ANKAR: variants seen among roughly 807,000 people sequenced by gnomAD.
The protein encoded by ANKAR is ankyrin and armadillo repeat containing, also known as ankyrin and armadillo repeat-containing protein.
A neutral mutation model predicts 146.2 loss-of-function variants in ANKAR; 136 were observed. That is an observed-to-expected ratio of 0.93 (90% CI 0.81 to 1.07). The LOEUF (loss-of-function observed/expected upper bound fraction) is 1.07, where lower values mean the gene tolerates loss of function less well. ANKAR is among the 50% of genes least tolerant of loss of function. ANKAR has a pLI of 0.00. For missense variants in ANKAR, 1,567 were observed against 1,679.9 expected, an observed-to-expected ratio of 0.93 and a Z score of 1.18; for synonymous variants, 500 against 575.8, an observed-to-expected ratio of 0.87 and a Z score of 1.88.
chr2:189,755,414 C>G, intron 18 of ANKAR: 1 of 1,610,788 alleles, frequency 6.2e-7, no homozygotes, highest in East Asian at 2.2e-5. Flanking sequence ...CACTCCCAGG[C>G]TTAAAGCAAG....
At chr2:189,752,636 T>C (rs1256593588) in intron 18 of ANKAR, 17 of 1,612,962 alleles carry the variant, frequency 1.1e-5, no homozygotes, top group Non-Finnish European at 1.4e-5. Context: ...ATAAAGATCA[T>C]GAATGATACC....
At chr2:189,697,941 T>C (rs1279184933) in intron 7 of ANKAR, among the ~76,000 whole-genome samples, 1 of 152,176 alleles carries the variant, frequency 6.6e-6, no homozygotes, top group Non-Finnish European at 1.5e-5. Flanking sequence ...CCAAAAGTTA[T>C]TCTCAACACT....
chr2:189,706,882 A>G (rs2039019286), intron 8 of ANKAR, 56 bp from the exon 9 acceptor site: 2 of 1,424,790 alleles, frequency 1.4e-6, no homozygotes, highest in South Asian at 2.8e-5. Context: ...ATAGTTTTAC[A>G]AAAAGTAAAT....
rs1244511111 is a variant in ANKAR at position 189,704,486 on chromosome 2, A to G, written c.1709-537A>G. Among the ~76,000 whole-genome samples, 12 of 142,102 alleles carry G rather than the reference A, an allele frequency of 8.4e-5. No individual in the cohort carries two copies. The East Asian group carries it at 2.3e-3, about 27-fold the overall frequency. The allele number at this position is 142,102 out of a possible 152,430, so 93.2% of individuals were successfully genotyped here. On this transcript the variant is annotated intron_variant, in intron 7 of 22. Transcript: ENST00000684021. ...CCCACATAATAAATATCTATATACA[A>G]TGGAAAAAATAAAAGAAAAATGCCC... is the stretch of plus-strand genomic sequence containing the variant.
At chr2:189,696,463 TGGTATTAACTAGAGCAAAGTTGA>T in intron 7 of ANKAR, 94 bp downstream of exon 7, 3 of 1,232,102 alleles carry the variant, frequency 2.4e-6, no homozygotes, top group Non-Finnish European at 3.3e-6. Context: ...GGTTAAAATT[TGGTATTAACTAGAGCAAAGTTGA>T]GGTTTTTGTT....
rs139521390 is a variant in ANKAR at position 189,714,972 on chromosome 2, G to A, written c.2224+3819G>A. 8.5e-3 allele frequency among the ~76,000 whole-genome samples: 1,111 copies of A among 130,028 alleles called. 9 individuals carry two copies. The highest frequency in any genetic ancestry group is 0.014 in the Non-Finnish European group (838 of 58,116). 85.3% of individuals were successfully genotyped at this position (130,028 alleles called of 152,430 possible). A position where few individuals can be genotyped will look rare whatever the true frequency, so the allele number is the denominator to read the frequency against. On this transcript the variant is annotated intron_variant, in intron 10 of 22. Transcript: ENST00000684021. ...CAAAAAAAAAAAAAAAAAAAAGAGA[G>A]AGAGAGAGAAACCAGGAAAGATCTA...
rs148582104 is a variant in ANKAR at position 189,737,751 on chromosome 2, A to G, written c.3492A>G (p.Leu1164=). Reference sequence around the variant, plus strand: ...TCAATAATCGCTTTCAACAATACTTAATATTGGAAAGTGGAATAATGACCA... The same window carrying G: ...TCAATAATCGCTTTCAACAATACTTGATATTGGAAAGTGGAATAATGACCA... ...FAFNNRFQQY[L]ILESGIMTIS... is the part of the protein sequence containing the mutation. The change falls in exon 18 of 23, where the codon TTA becomes TTG. Residue 1164 remains leucine (L), a synonymous_variant. Coordinates refer to ENST00000684021, the MANE Select transcript of ANKAR (RefSeq NM_001378068.1). The G allele has an allele frequency of 1.7e-5, 27 of 1,600,042 alleles. No individual in the cohort carries two copies. The African/African-American group carries it at 3.5e-4, about 21-fold the overall frequency.
intron 15 of ANKAR, among the ~76,000 whole-genome samples, chr2:189,730,146 T>A (rs2042274416): frequency 6.6e-6 from 1 of 152,192 alleles, no homozygotes; most frequent in South Asian, 2.1e-4. Flanking sequence ...AGAAGTAAAC[T>A]TTTTATGGAA....
intron 9 of ANKAR, among the ~76,000 whole-genome samples, chr2:189,709,933 C>A (rs1228093138): frequency 6.6e-6 from 1 of 152,166 alleles, no homozygotes; most frequent in Non-Finnish European, 1.5e-5. Flanking sequence ...CTGCTGCTTC[C>A]TACAGCCATT....
chr2:189,750,958 A>G (rs774003334), downstream of ANKAR, among the ~76,000 whole-genome samples: 15 of 152,254 alleles, frequency 9.9e-5, no homozygotes, highest in Admixed American at 2.0e-4. Flanking sequence ...AAAATATCTT[A>G]TAATTCTCTA....
intron 12 of ANKAR, among the ~76,000 whole-genome samples, chr2:189,724,841 T>G (rs1217697451): frequency 6.6e-6 from 1 of 152,166 alleles, no homozygotes; most frequent in Non-Finnish European, 1.5e-5. Flanking sequence ...GGAAATATAT[T>G]GATATTCTAC....
intron 17 of ANKAR, among the ~76,000 whole-genome samples, chr2:189,735,815 T>C (rs1263236537): frequency 6.6e-6 from 1 of 152,228 alleles, no homozygotes; most frequent in Non-Finnish European, 1.5e-5. Flanking sequence ...ATTAGTTGCA[T>C]TAATTTAGTT....
intron 10 of ANKAR, 122 bp downstream of exon 10, chr2:189,711,275 T>A (rs2039649172): frequency 1.5e-6 from 1 of 669,742 alleles, no homozygotes; most frequent in African/African-American, 1.9e-5. Context: ...TTTCAGTTTC[T>A]TTTGCTAAGA....
intron 18 of ANKAR, chr2:189,752,839 T>C (rs1245665561): frequency 1.2e-6 from 2 of 1,613,516 alleles, no homozygotes; most frequent in Admixed American, 3.3e-5. Context: ...ACGTATATCC[T>C]GTGGCTTACC....
intron 12 of ANKAR, among the ~76,000 whole-genome samples, chr2:189,722,258 G>T (rs771036422): frequency 3.3e-5 from 5 of 150,356 alleles, no homozygotes; most frequent in Non-Finnish European, 7.4e-5. Context: ...AGAATTGCCT[G>T]AACCCGAGAG....
chr2:189,744,530 G>A (rs1444937073), intron 21 of ANKAR, among the ~76,000 whole-genome samples: 1 of 152,112 alleles, frequency 6.6e-6, no homozygotes, highest in Non-Finnish European at 1.5e-5. Flanking sequence ...CAGATTTAAT[G>A]TTCCAAATGT....
intron 10 of ANKAR, among the ~76,000 whole-genome samples, chr2:189,716,751 A>G (rs1349061321): frequency 6.6e-6 from 1 of 152,138 alleles, no homozygotes; most frequent in Non-Finnish European, 1.5e-5. Flanking sequence ...GATATAGACC[A>G]ATGGAACAGA....
At chr2:189,733,666 C>G (rs1574702198) in intron 17 of ANKAR, among the ~76,000 whole-genome samples, 1 of 152,004 alleles carries the variant, frequency 6.6e-6, no homozygotes, top group Non-Finnish European at 1.5e-5. Context: ...CTTAGACTTT[C>G]CAAAATTCTG....
chr2:189,707,134 A>C lies in ANKAR; in HGVS notation c.2107A>C (p.Lys703Gln). The C allele has an allele frequency of 6.5e-7, 1 of 1,528,590 alleles. No homozygotes were observed. Among genetic ancestry groups the C allele is most frequent in the South Asian group, 1.3e-5 (1 of 78,844 alleles). 94.7% of individuals were successfully genotyped at this position (1,528,590 alleles called of 1,614,324 possible). A position where few individuals can be genotyped will look rare whatever the true frequency, so the allele number is the denominator to read the frequency against. The change falls in exon 9 of 23, where the codon AAA becomes CAA. Residue 703 changes from lysine (K) to glutamine (Q), a missense_variant. Lys to Gln is a moderately conservative substitution (Grantham distance 53). Coordinates refer to ENST00000684021, the MANE Select transcript of ANKAR (RefSeq NM_001378068.1). ...AAATATTCCTGAACTCCCAGTGTGGAAAACTTTGGTAGGTGAGTATAATCT... is the reference window on the plus strand; with the variant it reads ...AAATATTCCTGAACTCCCAGTGTGGCAAACTTTGGTAGGTGAGTATAATCT... The part of the protein sequence containing the change: ...KLNIPELPVW[K>Q]TLVEMLQCES...
Sources: allele counts gnomAD v4.1 joint callset (sites outside exome capture counted in the v4.1 genomes callset), GRCh38; gene constraint gnomAD v4.1.1; transcripts MANE v1.5; gene names NCBI Gene and HGNC (gene_info 2026-07-23, HGNC 2026-07-21).